The following ACER3 variants were observed in gnomAD, a reference collection of about 807,000 sequenced individuals.
ACER3 encodes the protein alkaline ceramidase 3.
Under a neutral mutation model 48.9 loss-of-function variants are expected in ACER3, and 16 were observed. The ratio of observed to expected loss-of-function variants is 0.33; its 90% CI spans 0.22 to 0.50. ACER3 has a LOEUF of 0.50. ACER3 is among the 20% of genes least tolerant of loss of function. ACER3 has a pLI of 0.98. For synonymous variants in ACER3, 109 were observed against 107.8 expected (o/e 1.01, Z -0.07); for missense variants, 227 against 326.0 (o/e 0.70, Z 2.34).
chr11:76,865,193 C>T (rs1414087512), intron 1 of ACER3, among the ~76,000 whole-genome samples: 1 of 149,724 alleles, frequency 6.7e-6, no homozygotes, highest in Non-Finnish European at 1.5e-5. Flanking sequence ...CCATGTTGCC[C>T]AAGCTGGTCT....
chr11:76,878,867 G>A (rs780382157), intron 1 of ACER3, among the ~76,000 whole-genome samples: 5 of 152,036 alleles, frequency 3.3e-5, no homozygotes, highest in Non-Finnish European at 7.4e-5. Context: ...TCTGGAGTGT[G>A]TGTAGTGGTA....
intron 1 of ACER3, among the ~76,000 whole-genome samples, chr11:76,888,826 A>G (rs1945738695): frequency 6.6e-6 from 1 of 152,172 alleles, no homozygotes; most frequent in African/African-American, 2.4e-5. Context: ...GGTTAGCAGC[A>G]AGTCACAGTT....
intron 2 of ACER3, among the ~76,000 whole-genome samples, chr11:76,937,219 C>T (rs1407036188): frequency 6.6e-6 from 1 of 152,180 alleles, no homozygotes; most frequent in East Asian, 1.9e-4. Context: ...GTGTCAGACT[C>T]TTGACAACAC....
intron 3 of ACER3, among the ~76,000 whole-genome samples, chr11:76,959,643 C>G (rs1356036526): frequency 6.6e-6 from 1 of 151,978 alleles, no homozygotes; most frequent in African/African-American, 2.4e-5. Context: ...ACCTCTGCCT[C>G]CCAGGTTCAA....
At position 76,954,161 on chromosome 11, in the gene ACER3, G is replaced by T. The variant is rs1174134892; in HGVS notation, c.215-4818G>T. Among the ~76,000 whole-genome samples, 3 of 152,046 alleles carry T rather than the reference G, an allele frequency of 2.0e-5. No individual in the cohort carries two copies. In the East Asian group the frequency reaches 5.8e-4, roughly 29 times the overall value. On this transcript the variant is annotated intron_variant, in intron 2 of 10. Coordinates refer to ENST00000532485, the MANE Select transcript of ACER3 (RefSeq NM_018367.7). ...AGGGTTTCACCATGTTGGTCAGGCT[G>T]GTCTCGAACTCCCGACCTCAGGTGA...
intron 3 of ACER3, among the ~76,000 whole-genome samples, chr11:76,968,047 C>T (rs1192545344): frequency 2.6e-5 from 4 of 152,178 alleles, no homozygotes; most frequent in Admixed American, 6.6e-5. Flanking sequence ...AAAACCCCAT[C>T]GTCTCAGCCC....
At chr11:76,861,408 G>A (rs1355551081) in intron 1 of ACER3, among the ~76,000 whole-genome samples, 1 of 152,136 alleles carries the variant, frequency 6.6e-6, no homozygotes. Context: ...CTGCCCGAGA[G>A]CGGAGTGGGG....
At chr11:76,897,823 G>A (rs962135397) in intron 1 of ACER3, among the ~76,000 whole-genome samples, 2 of 152,084 alleles carry the variant, frequency 1.3e-5, no homozygotes, top group Non-Finnish European at 2.9e-5. Context: ...TAAAAATGTG[G>A]TTGATGAAAA....
chr11:76,952,139 T>TACAC lies in ACER3; in HGVS notation c.215-6814_215-6811dup, dbSNP rs71272233. On this transcript the variant is annotated intron_variant, in intron 2 of 10. Coordinates refer to ENST00000532485, the MANE Select transcript of ACER3 (RefSeq NM_018367.7). ...TCAGAAAAAATATTATATATATATA[T>TACAC]ACACACACACACACACACACACACA... Among the ~76,000 whole-genome samples the TACAC allele has an allele frequency of 2.5e-3, 182 of 72,734 alleles. 2 individuals carry two copies. The highest frequency in any genetic ancestry group is 0.021 in the East Asian group (71 of 3,440). 47.7% of individuals were successfully genotyped at this position (72,734 alleles called of 152,430 possible).
intron 1 of ACER3, among the ~76,000 whole-genome samples, chr11:76,924,933 G>A (rs1376788262): frequency 4.8e-5 from 6 of 125,814 alleles, no homozygotes; most frequent in African/African-American, 1.7e-4. Flanking sequence ...CTGAGATCAC[G>A]CCACTGCACT....
At chr11:76,912,666 T>A (rs10899309) in intron 1 of ACER3, among the ~76,000 whole-genome samples, 1 of 152,022 alleles carries the variant, frequency 6.6e-6, no homozygotes, top group Non-Finnish European at 1.5e-5. Context: ...GTCTGAGTAA[T>A]GTGGAGGCAG....
chr11:77,020,236 T>C (rs1555024141), intron 10 of ACER3, 38 bp from the exon 11 acceptor site: 4 of 1,601,860 alleles, frequency 2.5e-6, no homozygotes, highest in Admixed American at 3.3e-5. Flanking sequence ...GGAACAATTC[T>C]GTCTTTTCTC....
At chr11:76,937,808 C>G (rs1238400166) in intron 2 of ACER3, among the ~76,000 whole-genome samples, 2 of 151,968 alleles carry the variant, frequency 1.3e-5, no homozygotes, top group Admixed American at 6.6e-5. Context: ...TTCACATATT[C>G]AAAAATGTAA....
chr11:76,969,129 C>T (rs1240592763), intron 3 of ACER3, among the ~76,000 whole-genome samples: 1 of 152,072 alleles, frequency 6.6e-6, no homozygotes, highest in African/African-American at 2.4e-5. Flanking sequence ...AAAAAGTGGG[C>T]AAAGGATATG....
At chr11:76,927,820 C>T (rs1412683050) in intron 2 of ACER3, among the ~76,000 whole-genome samples, 1 of 152,012 alleles carries the variant, frequency 6.6e-6, no homozygotes. Context: ...ATAGTATTCC[C>T]TTGTGTATAT....
chr11:76,889,658 A>G (rs1348748928), intron 1 of ACER3, among the ~76,000 whole-genome samples: 1 of 152,154 alleles, frequency 6.6e-6, no homozygotes, highest in African/African-American at 2.4e-5. Context: ...CTGCTTTTGT[A>G]TTCCTGAACA....
At chr11:76,873,182 C>T (rs573041365) in intron 1 of ACER3, among the ~76,000 whole-genome samples, 10 of 152,156 alleles carry the variant, frequency 6.6e-5, no homozygotes, top group South Asian at 2.1e-4. Flanking sequence ...GTTGGGATTA[C>T]GGGCATAAGC....
intron 1 of ACER3, among the ~76,000 whole-genome samples, chr11:76,903,959 AG>A (rs113881068): frequency 3.9e-4 from 60 of 152,240 alleles, no homozygotes; most frequent in African/African-American, 1.3e-3. Context: ...AAACATAACA[AG>A]AACTTGTTAT....
At chr11:76,926,747 C>T in intron 2 of ACER3, 80 bp downstream of exon 2, 3 of 944,440 alleles carry the variant, frequency 3.2e-6, no homozygotes, top group Non-Finnish European at 3.2e-6. Flanking sequence ...AAGCGGTTTT[C>T]AATTTTGTGT....
Sources: gnomAD v4.1 joint callset for allele counts (sites outside exome capture counted in the v4.1 genomes callset) on GRCh38, gnomAD v4.1.1 for gene constraint, MANE v1.5 for transcripts, NCBI Gene and HGNC (gene_info 2026-07-23, HGNC 2026-07-21) for gene names.